MCTP1: variants seen among roughly 807,000 people sequenced by gnomAD.
MCTP1 encodes multiple C2 and transmembrane domain-containing protein 1.
Under a neutral mutation model 120.6 loss-of-function variants are expected in MCTP1, and 69 were observed. That is an observed-to-expected ratio of 0.57 (90% confidence interval 0.47 to 0.70). The LOEUF (loss-of-function observed/expected upper bound fraction) is 0.70. Among genes scored for constraint, MCTP1 ranks in the 30% least tolerant of loss-of-function variants. MCTP1 has a pLI of 0.00. For missense variants in MCTP1, 1,203 were observed against 1,248.8 expected (o/e 0.96, Z 0.55); for synonymous variants, 529 against 493.1 (o/e 1.07, Z -0.96).
Position 94,747,380 on chromosome 5 carries a change from T to C in MCTP1, c.2610+31730A>G, listed in dbSNP as rs183552018. Among the ~76,000 whole-genome samples the C allele has an allele frequency of 2.2e-3, 335 of 152,302 alleles. 2 individuals carry two copies. The highest frequency in any genetic ancestry group is 4.4e-4 in the Non-Finnish European group (30 of 68,022). ...ATTATTTTTGTTCCCATTTTGCAGATGAGGAGACAGAGGAGCTATCTCTTG... is the reference window on the plus strand; with the variant it reads ...ATTATTTTTGTTCCCATTTTGCAGACGAGGAGACAGAGGAGCTATCTCTTG... On this transcript the variant is annotated intron_variant, in intron 19 of 22. Transcript: ENST00000515393.
chr5:94,996,565 TC>T (rs1832659190), intron 2 of MCTP1, among the ~76,000 whole-genome samples: 1 of 152,178 alleles, frequency 6.6e-6, no homozygotes, highest in Non-Finnish European at 1.5e-5. Context: ...TTGAATCCTC[TC>T]TGGATTACTT....
chr5:95,095,181 GC>G (rs1225133271), intron 1 of MCTP1, among the ~76,000 whole-genome samples: 1 of 150,456 alleles, frequency 6.6e-6, no homozygotes, highest in African/African-American at 2.4e-5. Context: ...CCGCTACCAC[GC>G]CCGGCTAATT....
intron 17 of MCTP1, among the ~76,000 whole-genome samples, chr5:94,862,257 G>A (rs919996663): frequency 6.6e-6 from 1 of 151,728 alleles, no homozygotes; most frequent in African/African-American, 2.4e-5. Context: ...GACCTCTACA[G>A]GGATTAAATT....
chr5:94,955,993 C>T (rs1434116585), intron 2 of MCTP1, among the ~76,000 whole-genome samples: 3 of 152,192 alleles, frequency 2.0e-5, no homozygotes, highest in African/African-American at 4.8e-5. Flanking sequence ...CAGCAGGGGT[C>T]GACAGACACC....
At chr5:95,201,491 T>G (rs1751037155) in intron 1 of MCTP1, among the ~76,000 whole-genome samples, 1 of 45,524 alleles carries the variant, frequency 2.2e-5, no homozygotes, top group Non-Finnish European at 4.8e-5. Context: ...TTTTTTTTTT[T>G]TTTTTTTTTT....
intron 10 of MCTP1, among the ~76,000 whole-genome samples, chr5:94,896,877 G>A (rs921529387): frequency 6.6e-6 from 1 of 152,050 alleles, no homozygotes; most frequent in Non-Finnish European, 1.5e-5. Flanking sequence ...TGAGGGCCAG[G>A]GAGGGTACAT....
intron 1 of MCTP1, among the ~76,000 whole-genome samples, chr5:95,107,368 C>G (rs1454283236): frequency 6.6e-6 from 1 of 152,098 alleles, no homozygotes; most frequent in Non-Finnish European, 1.5e-5. Context: ...TGGCAACACC[C>G]TTCATAAAAC....
chr5:94,897,361 G>A (rs1279300592), intron 10 of MCTP1, among the ~76,000 whole-genome samples: 5 of 149,644 alleles, frequency 3.3e-5, no homozygotes, highest in Non-Finnish European at 7.4e-5. Context: ...ACCACACCCA[G>A]CCCTGGACTT....
In MCTP1 at chr5:95,175,581, A is replaced by G. The variant is rs538834384; in HGVS notation, c.720+108275T>C. Reference sequence around the variant, plus strand: ...TACCACACAATAAACCCTGACTCCCATAACAGAAAAATCCACTTGCAAATC... The same window carrying G: ...TACCACACAATAAACCCTGACTCCCGTAACAGAAAAATCCACTTGCAAATC... On this transcript the variant is annotated intron_variant, in intron 1 of 22. Coordinates refer to ENST00000515393, the MANE Select transcript of MCTP1 (RefSeq NM_024717.7). Among the ~76,000 whole-genome samples the G allele has an allele frequency of 6.6e-5, 10 of 152,342 alleles. No homozygotes were observed. In the East Asian group the frequency reaches 9.6e-4, roughly 15 times the overall value.
chr5:94,800,474 T>A lies in MCTP1; in HGVS notation c.2437-1342A>T, dbSNP rs77277479. On this transcript the variant is annotated intron_variant, in intron 17 of 22. Transcript: ENST00000515393. The stretch of plus-strand genomic sequence containing the variant: ...GGACATTTGCAGTCTTCTTAATAAA[T>A]CTCAGTGAAGCCTACAGCCTATTTA... Among the ~76,000 whole-genome samples the A allele has an allele frequency of 2.5e-3, 377 of 152,220 alleles. 9 individuals carry two copies. The East Asian group carries it at 0.062, about 25-fold the overall frequency.
intron 1 of MCTP1, among the ~76,000 whole-genome samples, chr5:95,112,248 C>T (rs1253835094): frequency 6.6e-6 from 1 of 152,132 alleles, no homozygotes; most frequent in Non-Finnish European, 1.5e-5. Context: ...CAGAGGACAG[C>T]TCTCAAGTTA....
intron 1 of MCTP1, among the ~76,000 whole-genome samples, chr5:95,199,347 AG>A (rs1469737037): frequency 2.0e-5 from 3 of 152,190 alleles, no homozygotes; most frequent in African/African-American, 4.8e-5. Context: ...CATATGATAA[AG>A]GCTTAATATC....
chr5:94,918,370 A>G (rs1810677825), intron 7 of MCTP1, among the ~76,000 whole-genome samples: 1 of 152,244 alleles, frequency 6.6e-6, no homozygotes. Context: ...ATAAGCTTTC[A>G]GAAAAATAAA....
intron 19 of MCTP1, among the ~76,000 whole-genome samples, chr5:94,766,982 T>A (rs1772912507): frequency 6.6e-6 from 1 of 152,052 alleles, no homozygotes; most frequent in African/African-American, 2.4e-5. Flanking sequence ...AAAAATTACA[T>A]GCCAATATCC....
intron 19 of MCTP1, among the ~76,000 whole-genome samples, chr5:94,722,258 G>A (rs1363395077): frequency 1.1e-4 from 17 of 152,104 alleles, no homozygotes. Context: ...CCTTCACTGA[G>A]TCTGTTCTAA....
chr5:94,894,339 A>G (rs1803388350), intron 11 of MCTP1, among the ~76,000 whole-genome samples: 1 of 152,250 alleles, frequency 6.6e-6, no homozygotes, highest in Non-Finnish European at 1.5e-5. Context: ...ATTAATTTTA[A>G]AGTCACATTG....
intron 19 of MCTP1, among the ~76,000 whole-genome samples, chr5:94,763,317 A>G (rs538391880): frequency 1.3e-5 from 2 of 152,336 alleles, no homozygotes; most frequent in African/African-American, 4.8e-5. Flanking sequence ...CAGACTCCTT[A>G]GATGATGTCC....
chr5:94,808,072 T>G (rs943572380), intron 17 of MCTP1, among the ~76,000 whole-genome samples: 1 of 152,094 alleles, frequency 6.6e-6, no homozygotes, highest in African/African-American at 2.4e-5. Flanking sequence ...GTACTGGAGG[T>G]GAACCCCTTA....
chr5:94,958,897 G>A (rs2217949), intron 2 of MCTP1, among the ~76,000 whole-genome samples: 51,646 of 151,872 alleles, frequency 0.34, 9,084 homozygotes, highest in Middle Eastern at 0.42. Flanking sequence ...AGGAAAAGAG[G>A]GATTCCTCCC....
Sources: gnomAD v4.1 joint callset for allele counts (sites outside exome capture counted in the v4.1 genomes callset) on GRCh38, gnomAD v4.1.1 for gene constraint, MANE v1.5 for transcripts, NCBI Gene and HGNC (gene_info 2026-07-23, HGNC 2026-07-21) for gene names.